RASGRF2: variants seen among roughly 807,000 people sequenced by gnomAD.
The protein encoded by RASGRF2 is Ras protein specific guanine nucleotide releasing factor 2, also known as ras-specific guanine nucleotide-releasing factor 2.
In RASGRF2, 76 loss-of-function variants were observed where a neutral mutation model predicts 151.0. The observed-to-expected ratio is 0.50, with a 90% CI of 0.42 to 0.61. The LOEUF (loss-of-function observed/expected upper bound fraction) is 0.61, where lower values mean the gene tolerates loss of function less well. Ranked by LOEUF, RASGRF2 falls within the 20% of genes least tolerant of loss-of-function variation. The pLI, the probability that RASGRF2 is intolerant of heterozygous loss-of-function variation, is 0.00. For missense variants in RASGRF2, 1,148 were observed against 1,564.6 expected, an observed-to-expected ratio of 0.73 and a Z score of 4.49; for synonymous variants, 504 against 566.5, an observed-to-expected ratio of 0.89 and a Z score of 1.57.
chr5:81,066,110 A>G (rs1385534187), intron 2 of RASGRF2, among the ~76,000 whole-genome samples: 1 of 152,168 alleles, frequency 6.6e-6, no homozygotes, highest in Non-Finnish European at 1.5e-5. Context: ...CTGATGAGAA[A>G]GGCAGAATTT....
At chr5:81,213,400 T>C (rs1005801992) in intron 23 of RASGRF2, among the ~76,000 whole-genome samples, 3 of 152,160 alleles carry the variant, frequency 2.0e-5, no homozygotes, top group East Asian at 1.9e-4. Context: ...TCACGTCCCA[T>C]TGGTGCCAGA....
At chr5:81,074,530 C>A (rs1344461662) in intron 5 of RASGRF2, among the ~76,000 whole-genome samples, 1 of 152,134 alleles carries the variant, frequency 6.6e-6, no homozygotes, top group African/African-American at 2.4e-5. Context: ...TCTATCCTTT[C>A]AGTGTTTCTC....
intron 2 of RASGRF2, among the ~76,000 whole-genome samples, chr5:81,067,779 C>G (rs1049445612): frequency 6.6e-6 from 1 of 152,148 alleles, no homozygotes; most frequent in Non-Finnish European, 1.5e-5. Flanking sequence ...TTTCCCACTT[C>G]TATGGTAAGA....
At chr5:81,071,035 A>C (rs896096455) in intron 4 of RASGRF2, among the ~76,000 whole-genome samples, 6 of 152,170 alleles carry the variant, frequency 3.9e-5, no homozygotes, top group Non-Finnish European at 8.8e-5. Flanking sequence ...TTTAACATCC[A>C]CACAATCAGC....
intron 1 of RASGRF2, among the ~76,000 whole-genome samples, chr5:80,992,925 C>T (rs13358482): frequency 0.16 from 24,247 of 152,152 alleles, 2,051 homozygotes; most frequent in South Asian, 0.21. Flanking sequence ...CTCCTTGAGT[C>T]AGTGATTGAT....
intron 15 of RASGRF2, among the ~76,000 whole-genome samples, chr5:81,120,745 C>G (rs77936457): frequency 0.016 from 2,444 of 152,290 alleles, 58 homozygotes; most frequent in African/African-American, 0.056. Flanking sequence ...TGGTTCCAAG[C>G]TCCTCTGCTG....
At chr5:81,163,916 G>A (rs1754445109) in intron 17 of RASGRF2, among the ~76,000 whole-genome samples, 1 of 152,166 alleles carries the variant, frequency 6.6e-6, no homozygotes, top group Admixed American at 6.5e-5. Flanking sequence ...ACTTCATGAG[G>A]TTAGTGTGGG....
chr5:80,965,351 A>C (rs1489328088), intron 1 of RASGRF2, among the ~76,000 whole-genome samples: 1 of 152,116 alleles, frequency 6.6e-6, no homozygotes, highest in Non-Finnish European at 1.5e-5. Flanking sequence ...ATATTTGCTA[A>C]ATCTTATACA....
intron 12 of RASGRF2, among the ~76,000 whole-genome samples, chr5:81,095,712 G>A (rs566944924): frequency 6.6e-6 from 1 of 152,188 alleles, no homozygotes; most frequent in Non-Finnish European, 1.5e-5. Flanking sequence ...CAAAGAAACT[G>A]GGGCACATGA....
intron 21 of RASGRF2, 55 bp downstream of exon 21, chr5:81,207,404 T>G: frequency 6.9e-7 from 1 of 1,451,556 alleles, no homozygotes; most frequent in South Asian, 1.2e-5. Context: ...GTCTTAGAAG[T>G]TGACATTATT....
At chr5:81,111,475 C>T (rs1752991374) in intron 13 of RASGRF2, among the ~76,000 whole-genome samples, 1 of 151,926 alleles carries the variant, frequency 6.6e-6, no homozygotes, top group Admixed American at 6.6e-5. Flanking sequence ...TATCTTACAC[C>T]CATTACTTTT....
At chr5:81,167,975 C>T (rs1339675064) in intron 17 of RASGRF2, among the ~76,000 whole-genome samples, 1 of 152,140 alleles carries the variant, frequency 6.6e-6, no homozygotes, top group African/African-American at 2.4e-5. Flanking sequence ...ACCGCCTTCC[C>T]CTCTTCTCAG....
At chr5:81,154,823 T>C (rs1036041539) in intron 17 of RASGRF2, among the ~76,000 whole-genome samples, 6 of 152,212 alleles carry the variant, frequency 3.9e-5, no homozygotes, top group African/African-American at 1.4e-4. Context: ...CTGGACCATA[T>C]GGTAGTTCTA....
intron 1 of RASGRF2, among the ~76,000 whole-genome samples, chr5:80,973,235 G>A (rs2112222032): frequency 6.6e-6 from 1 of 152,268 alleles, no homozygotes. Context: ...AACCATAGGT[G>A]GAATAGAATG....
At chr5:81,167,663 C>G (rs1754544289) in intron 17 of RASGRF2, among the ~76,000 whole-genome samples, 1 of 152,174 alleles carries the variant, frequency 6.6e-6, no homozygotes, top group Admixed American at 6.5e-5. Context: ...GATGCCGTCA[C>G]TCTGACCCCT....
At chr5:81,114,875 T>C (rs955549843) in intron 15 of RASGRF2, 7 of 152,324 alleles carry the variant, frequency 4.6e-5, no homozygotes, top group African/African-American at 1.7e-4. Flanking sequence ...AATGAATGAA[T>C]GAAATAAAAT....
chr5:81,158,865 A>G (rs1754319585), intron 17 of RASGRF2, among the ~76,000 whole-genome samples: 1 of 152,234 alleles, frequency 6.6e-6, no homozygotes, highest in African/African-American at 2.4e-5. Flanking sequence ...CCACTTGGAA[A>G]ACAGTTTGCC....
At chr5:81,007,993 T>G (rs1299062670) in intron 1 of RASGRF2, among the ~76,000 whole-genome samples, 1 of 152,086 alleles carries the variant, frequency 6.6e-6, no homozygotes, top group African/African-American at 2.4e-5. Flanking sequence ...GCAATAGTAT[T>G]TATTGTCTTC....
chr5:81,034,509 T>C (rs986946043), intron 1 of RASGRF2, among the ~76,000 whole-genome samples: 1 of 152,054 alleles, frequency 6.6e-6, no homozygotes, highest in African/African-American at 2.4e-5. Flanking sequence ...CGTATGTTTA[T>C]TGCGGAACTA....
Sources: allele counts gnomAD v4.1 joint callset (sites outside exome capture counted in the v4.1 genomes callset), GRCh38; gene constraint gnomAD v4.1.1; transcripts MANE v1.5; gene names NCBI Gene and HGNC (gene_info 2026-07-23, HGNC 2026-07-21).